The following MERTK variants were observed in gnomAD, a reference collection of about 807,000 sequenced individuals.
The protein encoded by MERTK is MER proto-oncogene, tyrosine kinase, also known as tyrosine-protein kinase Mer.
Under a neutral mutation model 99.3 loss-of-function variants are expected in MERTK, and 69 were observed. That is an observed-to-expected ratio of 0.70 (90% CI 0.57 to 0.85). The LOEUF (loss-of-function observed/expected upper bound fraction) is 0.85, where lower values mean the gene tolerates loss of function less well. MERTK is among the 40% of genes least tolerant of loss of function. MERTK has a pLI of 0.00. For missense variants in MERTK, 1,125 were observed against 1,249.4 expected, an observed-to-expected ratio of 0.90 and a Z score of 1.50; for synonymous variants, 426 against 467.6, an observed-to-expected ratio of 0.91 and a Z score of 1.15.
chr2:111,926,312 G>C lies in MERTK; in HGVS notation c.62-2808G>C, dbSNP rs1256680736. ...AAGAAAGGGACCTATATTTAAATGG[G>C]GGAAAAAAGTGATTTGGATTAAACC... On this transcript the variant is annotated intron_variant, in intron 1 of 18. Transcript: ENST00000295408. Among the ~76,000 whole-genome samples, 6 of 152,130 alleles carry C rather than the reference G, an allele frequency of 3.9e-5. No homozygotes were observed. In the South Asian group the frequency reaches 6.2e-4, roughly 16 times the overall value.
At chr2:111,984,405 C>G (rs1168158688) in intron 8 of MERTK, among the ~76,000 whole-genome samples, 2 of 152,128 alleles carry the variant, frequency 1.3e-5, no homozygotes, top group Non-Finnish European at 2.9e-5. Flanking sequence ...TAATATTAAC[C>G]ATCGCAGCTT....
chr2:111,937,199 C>A (rs1328129358), intron 2 of MERTK, among the ~76,000 whole-genome samples: 1 of 151,912 alleles, frequency 6.6e-6, no homozygotes, highest in Non-Finnish European at 1.5e-5. Context: ...AATCCCCGCA[C>A]TTTGGGAGGC....
intron 18 of MERTK, among the ~76,000 whole-genome samples, chr2:112,022,757 C>T (rs187175258): frequency 6.6e-6 from 1 of 152,314 alleles, no homozygotes; most frequent in Non-Finnish European, 1.5e-5. Flanking sequence ...AATGATTCCT[C>T]ACCCTCTTTT....
At chr2:111,961,634 G>A (rs1210391194) in intron 4 of MERTK, among the ~76,000 whole-genome samples, 1 of 152,172 alleles carries the variant, frequency 6.6e-6, no homozygotes, top group African/African-American at 2.4e-5. Flanking sequence ...ATAGGACAGA[G>A]ATGTATGGGT....
chr2:112,021,952 G>T (rs1189356364), intron 17 of MERTK, among the ~76,000 whole-genome samples: 3 of 151,942 alleles, frequency 2.0e-5, no homozygotes, highest in African/African-American at 4.8e-5. Context: ...GTGTAATTAC[G>T]CCCTTGACCC....
rs899666421 is a variant in MERTK, at chr2:112,005,291, C to T, written c.1867+1307C>T. ...TTCTCCATGTTGGCCAGGCTGGTTTCGAACTCCTAACCTCAAGTGATCCAC... is the reference window on the plus strand; with the variant it reads ...TTCTCCATGTTGGCCAGGCTGGTTTTGAACTCCTAACCTCAAGTGATCCAC... On this transcript the variant is annotated intron_variant, in intron 13 of 18. Coordinates refer to ENST00000295408, the MANE Select transcript of MERTK (RefSeq NM_006343.3). Among the ~76,000 whole-genome samples the T allele has an allele frequency of 5.3e-5, 8 of 152,110 alleles. No homozygotes were observed. In the East Asian group the frequency reaches 5.8e-4, roughly 11 times the overall value.
chr2:111,947,657 C>G, intron 4 of MERTK, 90 bp downstream of exon 4: 1 of 1,428,702 alleles, frequency 7.0e-7, no homozygotes, highest in African/African-American at 1.4e-5. Context: ...CACTAGCAGG[C>G]AGTGGAGACA....
chr2:111,919,102 A>T (rs973568778), intron 1 of MERTK, among the ~76,000 whole-genome samples: 2 of 152,184 alleles, frequency 1.3e-5, no homozygotes, highest in Non-Finnish European at 2.9e-5. Context: ...AGCTGGGGCT[A>T]TGCCTTGTCC....
intron 15 of MERTK, chr2:112,010,296 T>G: frequency 4.3e-6 from 2 of 460,434 alleles, no homozygotes; most frequent in East Asian, 4.5e-5. Flanking sequence ...GTGCACAGTC[T>G]TATGGACAAA....
chr2:111,898,758 T>C lies in MERTK; in HGVS notation c.23T>C (p.Leu8Pro), dbSNP rs867971321. 1 of 1,605,594 alleles carries C rather than the reference T, an allele frequency of 6.2e-7. No homozygotes were observed. Among genetic ancestry groups the C allele is most frequent in the African/African-American group, 1.3e-5 (1 of 74,942 alleles). The change falls in exon 1 of 19, where the codon CTG becomes CCG. Residue 8 changes from leucine to proline, a missense_variant. Physicochemically the swap from Leu to Pro is moderately conservative, Grantham distance 98. Transcript: ENST00000295408. Reference sequence around the variant, plus strand: ...GGGATGGGGCCGGCCCCGCTGCCGCTGCTGCTGGGCCTCTTCCTCCCCGCG... The same window carrying C: ...GGGATGGGGCCGGCCCCGCTGCCGCCGCTGCTGGGCCTCTTCCTCCCCGCG... MGPAPLP[L>P]LLGLFLPALW...
At chr2:111,915,765 C>T (rs548699749) in intron 1 of MERTK, among the ~76,000 whole-genome samples, 4 of 152,108 alleles carry the variant, frequency 2.6e-5, no homozygotes, top group East Asian at 3.9e-4. Flanking sequence ...CTTGGTGGCA[C>T]GTGCCTGTAA....
rs753021341 is a variant in MERTK at position 112,022,301 on chromosome 2, T to C, written c.2393T>C (p.Met798Thr). The C allele has an allele frequency of 6.2e-7, 1 of 1,614,254 alleles. No homozygotes were observed. The highest frequency in any genetic ancestry group is 8.5e-7 in the Non-Finnish European group (1 of 1,180,048). Residue 798 changes from methionine (M) to threonine (T), a missense_variant, in exon 18 of 19, where the codon ATG becomes ACG. Coordinates refer to ENST00000295408, the MANE Select transcript of MERTK (RefSeq NM_006343.3). ...ATGTGGGAAATAGCTACGCGGGGAA[T>C]GACTCCCTATCCTGGGGTCCAGAAC... is the stretch of plus-strand genomic sequence containing the variant. The part of the protein sequence containing the change: ...VTMWEIATRG[M>T]TPYPGVQNHE...
chr2:112,015,701 T>C (rs1470866364), intron 15 of MERTK: 2 of 152,744 alleles, frequency 1.3e-5, no homozygotes, highest in Non-Finnish European at 1.5e-5. Context: ...AGTTTTTTTT[T>C]AATGAGTCAT....
At chr2:112,010,206 G>T (rs191923713) in intron 15 of MERTK, 140 bp downstream of exon 15, 638 of 733,926 alleles carry the variant, frequency 8.7e-4, no homozygotes, top group Middle Eastern at 1.4e-3. Context: ...TGTGTGTCCA[G>T]GGTTGAAATG....
At chr2:111,967,651 C>T (rs908122114) in intron 5 of MERTK, among the ~76,000 whole-genome samples, 1 of 152,122 alleles carries the variant, frequency 6.6e-6, no homozygotes, top group Admixed American at 6.5e-5. Flanking sequence ...CACATGCACA[C>T]TCATGCGTGC....
At position 111,907,546 on chromosome 2, in the gene MERTK, A is replaced by G. The variant is rs568114168; in HGVS notation, c.61+8750A>G. Reference sequence around the variant, plus strand: ...TAGAATAGTCTGGAAACATGGAGGTATATTTCTGAGAATATTGGATCTCCC... The same window carrying G: ...TAGAATAGTCTGGAAACATGGAGGTGTATTTCTGAGAATATTGGATCTCCC... On this transcript the variant is annotated intron_variant, in intron 1 of 18. Transcript: ENST00000295408. Among the ~76,000 whole-genome samples the G allele has an allele frequency of 3.9e-5, 6 of 152,358 alleles. No individual in the cohort carries two copies. In the East Asian group the frequency reaches 7.7e-4, roughly 20 times the overall value.
At chr2:111,902,998 C>T (rs560358113) in intron 1 of MERTK, among the ~76,000 whole-genome samples, 2 of 152,134 alleles carry the variant, frequency 1.3e-5, no homozygotes, top group African/African-American at 2.4e-5. Context: ...AGGCTGGTCT[C>T]GAACTCCTGA....
At position 112,029,389 on chromosome 2, in the gene MERTK, G is replaced by A. The variant is rs1451950119; in HGVS notation, c.*525G>A. The A allele has an allele frequency of 3.2e-6, 3 of 924,972 alleles. No homozygotes were observed. The highest frequency in any genetic ancestry group is 3.9e-6 in the Non-Finnish European group (3 of 774,828). The allele number at this position is 924,972 out of a possible 1,614,324, so 57.3% of individuals were successfully genotyped here. On this transcript the variant is annotated 3_prime_UTR_variant, in exon 19 of 19. Transcript: ENST00000295408. ...GGAAGGATATGTTGAACTTACTTGAGACTTGAAAGACAGTGGTCGGCAGCG... is the reference window on the plus strand; with the variant it reads ...GGAAGGATATGTTGAACTTACTTGAAACTTGAAAGACAGTGGTCGGCAGCG...
chr2:112,024,919 G>A (rs1573651200), intron 18 of MERTK: 1 of 154,376 alleles, frequency 6.5e-6, no homozygotes, highest in Non-Finnish European at 1.5e-5. Flanking sequence ...AACAGAGCAA[G>A]ATCCTGTCTC....
Sources: allele counts gnomAD v4.1 joint callset (sites outside exome capture counted in the v4.1 genomes callset), GRCh38; gene constraint gnomAD v4.1.1; transcripts MANE v1.5; gene names NCBI Gene and HGNC (gene_info 2026-07-23, HGNC 2026-07-21).